CELF2: variants seen among roughly 807,000 people sequenced by gnomAD.
The protein encoded by CELF2 is CUG triplet repeat RNA-binding protein 2.
Under a neutral mutation model 62.6 loss-of-function variants are expected in CELF2, and 8 were observed. The observed-to-expected ratio is 0.13, with a 90% CI of 0.07 to 0.23. The LOEUF is 0.23. CELF2 is among the 10% of genes least tolerant of loss of function. CELF2 has a pLI of 1.00. For synonymous variants in CELF2, 258 were observed against 250.0 expected, an observed-to-expected ratio of 1.03 and a Z score of -0.30; for missense variants, 333 against 671.0, an observed-to-expected ratio of 0.50 and a Z score of 5.56.
the CELF2 span, among the ~76,000 whole-genome samples, chr10:10,465,441 T>C: frequency 4.6e-5 from 7 of 152,136 alleles, no homozygotes; most frequent in African/African-American, 1.4e-4. Flanking sequence ...GGAGCTGACA[T>C]AATGTTTGCT....
At position 11,211,663 on chromosome 10, in the gene CELF2, G is replaced by GA. The variant is rs376585495; in HGVS notation, c.272-5761dup. 6.6e-6 allele frequency among the ~76,000 whole-genome samples: 1 copy of GA among 152,138 alleles called. No individual in the cohort carries two copies. Among genetic ancestry groups the GA allele is most frequent in the African/African-American group, 2.4e-5 (1 of 41,400 alleles). ...GTTTGAAAAGGTTTGTGATAATCCA[G>GA]ATGGTTTCTTTGAGGATAAATCTAC... On this transcript the variant is annotated intron_variant, in intron 2 of 12. Transcript: ENST00000633077. The surrounding 1 kb of genome is among the most constrained non-coding windows in gnomAD (Gnocchi z 4.8).
rs987855368 is a variant in CELF2, at chr10:11,177,680, G to A, written c.271+11998G>A. ...TAGTTTTTAAATCCTCTGTAAGATA[G>A]TCAAGGCTTCTCCAGTAGAAAGTTA... On this transcript the variant is annotated intron_variant, in intron 2 of 12. Transcript: ENST00000633077. This position sits in a 1 kb window ranked among gnomAD's most constrained non-coding sequence, Gnocchi z 4.8. Among the ~76,000 whole-genome samples the A allele has an allele frequency of 2.0e-5, 3 of 152,202 alleles. No individual in the cohort carries two copies. The highest frequency in any genetic ancestry group is 4.4e-5 in the Non-Finnish European group (3 of 68,034).
intron 1 of CELF2, among the ~76,000 whole-genome samples, chr10:11,143,087 C>G (rs2061649084): frequency 6.6e-6 from 1 of 152,214 alleles, no homozygotes; most frequent in South Asian, 2.1e-4. Context: ...TCTGTCCTCC[C>G]TCCACTGGGG....
chr10:10,598,780 A>G, the CELF2 span, among the ~76,000 whole-genome samples: 2 of 19,110 alleles, frequency 1.0e-4, no homozygotes, highest in African/African-American at 2.9e-4. Flanking sequence ...TTTTTTTTTG[A>G]GACAGAGTCT....
chr10:10,613,940 A>C, the CELF2 span, among the ~76,000 whole-genome samples: 4 of 152,210 alleles, frequency 2.6e-5, no homozygotes, highest in African/African-American at 9.6e-5. Context: ...TTTGGAAACA[A>C]GGGCTGGATT....
At chr10:10,681,234 C>T in the CELF2 span, among the ~76,000 whole-genome samples, 1 of 152,092 alleles carries the variant, frequency 6.6e-6, no homozygotes, top group Admixed American at 6.5e-5. Flanking sequence ...TGTGAGTGAC[C>T]TATGGGCCCC....
In CELF2 at chr10:11,334,012, G is replaced by T. The variant is rs992203279; in HGVS notation, c.*4959G>T. 6.6e-6 allele frequency: 1 copy of T among 152,516 alleles called. No individual in the cohort carries two copies. Among genetic ancestry groups the T allele is most frequent in the South Asian group, 2.1e-4 (1 of 4,830 alleles). The allele number at this position is 152,516 out of a possible 1,614,324, so 9.4% of individuals were successfully genotyped here. On this transcript the variant is annotated 3_prime_UTR_variant, in exon 13 of 13. Coordinates refer to ENST00000633077, the MANE Select transcript of CELF2 (RefSeq NM_001326342.2). Reference sequence around the variant, plus strand: ...AGAAAGAAAGTTGCTTTTCTTTTGAGAATTAAAAACTTTGGCTTGATTTCT... The same window carrying T: ...AGAAAGAAAGTTGCTTTTCTTTTGATAATTAAAAACTTTGGCTTGATTTCT...
At chr10:10,856,735 T>C (rs1022916041) in intron 1 of CELF2, among the ~76,000 whole-genome samples, 15 of 152,238 alleles carry the variant, frequency 9.9e-5, no homozygotes, top group African/African-American at 2.9e-4. Flanking sequence ...TTCTGAAATA[T>C]CATTTTTCAT....
intron 7 of CELF2, among the ~76,000 whole-genome samples, chr10:11,273,715 G>GGTTT (rs141599147): frequency 0.17 from 25,862 of 149,928 alleles, 2,563 homozygotes; most frequent in African/African-American, 0.25. Flanking sequence ...TGAAAGTTTT[G>GGTTT]TTTTTTTGTT....
chr10:11,319,133 C>T lies in CELF2; in HGVS notation c.1097-2056C>T. On this transcript the variant is annotated intron_variant, in intron 10 of 12. Coordinates refer to ENST00000633077, the MANE Select transcript of CELF2 (RefSeq NM_001326342.2). This position sits in a 1 kb window ranked among gnomAD's most constrained non-coding sequence, Gnocchi z 4.4. The stretch of plus-strand genomic sequence containing the variant: ...GCCGCTCCTCTCCCGCCAGAATTTC[C>T]TCCACACGGGCATCTGCATTTCCAG... The T allele has an allele frequency of 2.1e-6, 1 of 470,212 alleles. No homozygotes were observed. The highest frequency in any genetic ancestry group is 1.6e-5 in the South Asian group (1 of 64,450). The allele number at this position is 470,212 out of a possible 1,614,324, so 29.1% of individuals were successfully genotyped here.
Position 10,971,207 on chromosome 10 carries a change from C to G in CELF2, c.89+51208C>G, listed in dbSNP as rs533541788. ...AGGCTGCCTCTTGGAAGGAGCTCTG[C>G]CCTGTCCTCCCAACTAGTGTGAAGC... On this transcript the variant is annotated intron_variant, in intron 2 of 13. Coordinates refer to the CELF2 transcript ENST00000636488. 3.9e-5 allele frequency among the ~76,000 whole-genome samples: 6 copies of G among 152,282 alleles called. No homozygotes were observed. In the South Asian group the frequency reaches 1.0e-3, roughly 26 times the overall value.
chr10:10,836,864 T>C (rs2058331677), intron 1 of CELF2, among the ~76,000 whole-genome samples: 2 of 152,208 alleles, frequency 1.3e-5, no homozygotes, highest in Admixed American at 1.3e-4. Flanking sequence ...CTTGACCTCC[T>C]GACCTCGTGA....
the CELF2 span, among the ~76,000 whole-genome samples, chr10:10,542,283 A>T: frequency 3.3e-5 from 5 of 152,314 alleles, no homozygotes; most frequent in South Asian, 1.0e-3. Flanking sequence ...CAAAGGCCAC[A>T]CAAACATTGA....
chr10:10,713,159 A>G, the CELF2 span, among the ~76,000 whole-genome samples: 5 of 152,116 alleles, frequency 3.3e-5, no homozygotes, highest in African/African-American at 2.4e-5. Flanking sequence ...CCTATCCCCA[A>G]TGGTCTTTCC....
intron 1 of CELF2, among the ~76,000 whole-genome samples, chr10:11,025,646 G>A (rs1378236411): frequency 2.6e-5 from 4 of 152,236 alleles, no homozygotes; most frequent in Non-Finnish European, 5.9e-5. Context: ...TTTGAAAATG[G>A]ACTAATACAG....
At chr10:10,826,793 T>A (rs2057426193) in intron 1 of CELF2, among the ~76,000 whole-genome samples, 1 of 152,226 alleles carries the variant, frequency 6.6e-6, no homozygotes, top group African/African-American at 2.4e-5. Flanking sequence ...TATTTTTGTC[T>A]CTCAGGTCCA....
At chr10:11,129,196 G>A (rs981362614) in intron 1 of CELF2, among the ~76,000 whole-genome samples, 7 of 152,190 alleles carry the variant, frequency 4.6e-5, no homozygotes, top group Non-Finnish European at 8.8e-5. Flanking sequence ...ATTTGTGTAT[G>A]TTGAACCAGC....
At chr10:10,470,477 G>A in the CELF2 span, among the ~76,000 whole-genome samples, 2 of 151,620 alleles carry the variant, frequency 1.3e-5, no homozygotes, top group African/African-American at 2.4e-5. Context: ...ATTTTCTTAG[G>A]GTTGTAGAAC....
Position 11,249,165 on chromosome 10 carries a change from A to G in CELF2, c.367A>G (p.Ile123Val). 1 of 1,613,722 alleles carries G rather than the reference A, an allele frequency of 6.2e-7. No homozygotes were observed. The highest frequency in any genetic ancestry group is 8.5e-7 in the Non-Finnish European group (1 of 1,179,596). Residue 123 changes from isoleucine (I) to valine (V), a missense_variant, in exon 4 of 13, where the codon ATT (isoleucine) becomes GTT (valine). By Grantham distance (29) the Ile-to-Val change is conservative. Transcript: ENST00000633077. ...TTTGTGTTTTTAGATGCATCATCCC[A>G]TTCAGATGAAACCTGCAGATAGTGA... ...IKTLPGMHHP[I>V]QMKPADSEKS...
Sources: allele counts gnomAD v4.1 joint callset (sites outside exome capture counted in the v4.1 genomes callset), GRCh38; gene constraint gnomAD v4.1.1; non-coding constraint Gnocchi (gnomAD v3.1); transcripts MANE v1.5; gene names NCBI Gene and HGNC (gene_info 2026-07-23, HGNC 2026-07-21).